The following MACROD2 variants were observed in gnomAD, a reference collection of about 807,000 sequenced individuals.
The protein encoded by MACROD2 is mono-ADP ribosylhydrolase 2, also known as ADP-ribose glycohydrolase MACROD2.
In MACROD2, 36 loss-of-function variants were observed where a neutral mutation model predicts 70.4. The ratio of observed to expected loss-of-function variants is 0.51; its 90% CI spans 0.39 to 0.68. The LOEUF (loss-of-function observed/expected upper bound fraction) is 0.68, where lower values mean the gene tolerates loss of function less well. MACROD2 is among the 30% of genes least tolerant of loss of function. MACROD2 has a pLI of 0.00. For synonymous variants in MACROD2, 172 were observed against 178.8 expected (o/e 0.96, Z 0.30); for missense variants, 496 against 538.4 (o/e 0.92, Z 0.78).
At chr20:16,018,743 T>C (rs551989565) in intron 15 of MACROD2, among the ~76,000 whole-genome samples, 3 of 152,356 alleles carry the variant, frequency 2.0e-5, no homozygotes, top group African/African-American at 4.8e-5. Flanking sequence ...ATCTTTTTTT[T>C]CCACTGATTC....
chr20:15,988,290 A>G (rs1008902414), intron 15 of MACROD2, among the ~76,000 whole-genome samples: 1 of 151,112 alleles, frequency 6.6e-6, no homozygotes, highest in Non-Finnish European at 1.5e-5. Flanking sequence ...TCTAATATTG[A>G]TAACTGAGAA....
chr20:14,936,905 A>T (rs903256606), intron 5 of MACROD2, among the ~76,000 whole-genome samples: 1 of 152,208 alleles, frequency 6.6e-6, no homozygotes, highest in African/African-American at 2.4e-5. Context: ...GTTTAGATTT[A>T]ACTATGCAGT....
chr20:15,466,120 T>A (rs1026482928), intron 7 of MACROD2, among the ~76,000 whole-genome samples: 21 of 152,190 alleles, frequency 1.4e-4, no homozygotes, highest in African/African-American at 5.1e-4. Context: ...TACTTTAAGT[T>A]TGATCCCAGA....
At chr20:15,183,575 C>T (rs2076515088) in intron 5 of MACROD2, among the ~76,000 whole-genome samples, 1 of 152,016 alleles carries the variant, frequency 6.6e-6, no homozygotes, top group Non-Finnish European at 1.5e-5. Flanking sequence ...TCCCCATGCC[C>T]CATACCTCTA....
intron 4 of MACROD2, among the ~76,000 whole-genome samples, chr20:14,511,118 G>A (rs1311637986): frequency 6.6e-6 from 1 of 152,080 alleles, no homozygotes. Flanking sequence ...TTAGTGAACT[G>A]CTTTTTCTTA....
intron 5 of MACROD2, among the ~76,000 whole-genome samples, chr20:15,054,602 T>TA (rs993663552): frequency 6.6e-6 from 1 of 152,136 alleles, no homozygotes; most frequent in Non-Finnish European, 1.5e-5. Context: ...TACTAGGGAA[T>TA]AAAAAAATGT....
intron 3 of MACROD2, among the ~76,000 whole-genome samples, chr20:14,216,361 C>T (rs2081622809): frequency 6.6e-6 from 1 of 152,108 alleles, no homozygotes; most frequent in South Asian, 2.1e-4. Context: ...TTTCATTGGT[C>T]TATGTGCCTG....
Position 13,995,863 on chromosome 20 carries a change from C to CGGGGGGGGGGGTTGGGGGGGGGGGG in MACROD2, c.46+59_46+60insGGGGGGTTGGGGGGGGGGGGGGGGG. ...CGGGCGGTGGGGGTTAGGGTGGGGGCGGGGGTCAGGCTGTGTGTGCCGCGG... is the reference window on the plus strand; with the variant it reads ...CGGGCGGTGGGGGTTAGGGTGGGGGCGGGGGGGGGGGTTGGGGGGGGGGGGGGGGGTCAGGCTGTGTGTGCCGCGG... On this transcript the variant is annotated intron_variant, in intron 1 of 17. Transcript: ENST00000684519. The surrounding 1 kb of genome is among the most constrained non-coding windows in gnomAD (Gnocchi z 4.3). 2.4e-6 allele frequency: 1 copy of CGGGGGGGGGGGTTGGGGGGGGGGGG among 412,920 alleles called. No individual in the cohort carries two copies. 25.6% of individuals were successfully genotyped at this position (412,920 alleles called of 1,614,324 possible). A position where few individuals can be genotyped will look rare whatever the true frequency, so the allele number is the denominator to read the frequency against.
At chr20:15,399,693 G>A (rs1053995304) in intron 6 of MACROD2, among the ~76,000 whole-genome samples, 1 of 152,194 alleles carries the variant, frequency 6.6e-6, no homozygotes, top group African/African-American at 2.4e-5. Flanking sequence ...AGTCTGAGTG[G>A]TTGTTTTAAA....
chr20:14,664,587 G>A (rs2070716578), intron 4 of MACROD2, among the ~76,000 whole-genome samples: 1 of 152,010 alleles, frequency 6.6e-6, no homozygotes, highest in South Asian at 2.1e-4. Flanking sequence ...CCTGAAAGAT[G>A]CACCATCCTG....
intron 3 of MACROD2, among the ~76,000 whole-genome samples, chr20:14,310,564 C>G (rs2082558178): frequency 6.6e-6 from 1 of 152,132 alleles, no homozygotes. Flanking sequence ...TACAGTACAT[C>G]ATCCTTGATA....
chr20:14,700,463 T>C (rs1488315679), intron 5 of MACROD2, among the ~76,000 whole-genome samples: 1 of 152,026 alleles, frequency 6.6e-6, no homozygotes, highest in Non-Finnish European at 1.5e-5. Flanking sequence ...CACTCAACTA[T>C]TCAGTTATGC....
intron 8 of MACROD2, among the ~76,000 whole-genome samples, chr20:15,816,612 G>A (rs940079993): frequency 5.9e-5 from 9 of 151,978 alleles, no homozygotes; most frequent in African/African-American, 1.9e-4. Flanking sequence ...TAACTCCCAC[G>A]GCTTCTTCCT....
At chr20:15,382,864 A>G (rs1409402927) in intron 6 of MACROD2, among the ~76,000 whole-genome samples, 2 of 152,164 alleles carry the variant, frequency 1.3e-5, no homozygotes, top group Non-Finnish European at 2.9e-5. Flanking sequence ...TGGCCAAGAA[A>G]TGAAGGGGTT....
chr20:15,985,135 T>G (rs572880279), intron 13 of MACROD2, among the ~76,000 whole-genome samples: 1 of 152,306 alleles, frequency 6.6e-6, no homozygotes, highest in Middle Eastern at 3.4e-3. Context: ...GTAATCTCCT[T>G]TAAATTCTTT....
chr20:15,811,569 T>TA (rs1357933592), intron 8 of MACROD2, among the ~76,000 whole-genome samples: 12 of 152,214 alleles, frequency 7.9e-5, no homozygotes, highest in African/African-American at 2.7e-4. Context: ...TAAATTTACC[T>TA]AGTTATTTGT....
At chr20:14,588,966 T>G (rs1324357277) in intron 4 of MACROD2, among the ~76,000 whole-genome samples, 2 of 152,192 alleles carry the variant, frequency 1.3e-5, no homozygotes, top group African/African-American at 4.8e-5. Flanking sequence ...GATTAAATTA[T>G]TTTAGAGAGG....
At chr20:15,017,391 C>T (rs1291501933) in intron 5 of MACROD2, among the ~76,000 whole-genome samples, 2 of 152,176 alleles carry the variant, frequency 1.3e-5, no homozygotes, top group Non-Finnish European at 2.9e-5. Flanking sequence ...CAGCTCCACC[C>T]CTGTGGCTTT....
chr20:15,303,459 T>C (rs2077666422), intron 6 of MACROD2, among the ~76,000 whole-genome samples: 1 of 152,176 alleles, frequency 6.6e-6, no homozygotes, highest in South Asian at 2.1e-4. Context: ...CCCTAGACGT[T>C]CATGTCAGTA....
Sources: gnomAD v4.1 joint callset for allele counts (sites outside exome capture counted in the v4.1 genomes callset) on GRCh38, gnomAD v4.1.1 for gene constraint, Gnocchi (gnomAD v3.1) non-coding constraint, MANE v1.5 for transcripts, NCBI Gene and HGNC (gene_info 2026-07-23, HGNC 2026-07-21) for gene names.